The following BRAT1 variants were observed in gnomAD, a reference collection of about 807,000 sequenced individuals.
BRAT1 encodes integrator complex assembly factor BRAT1.
A neutral mutation model predicts 70.6 loss-of-function variants in BRAT1; 74 were observed. The ratio of observed to expected loss-of-function variants is 1.05; its 90% CI spans 0.87 to 1.27. BRAT1 has a LOEUF of 1.27. BRAT1 is among the 50% of genes most tolerant of loss of function. BRAT1 has a pLI of 0.00. For missense variants in BRAT1, 1,203 were observed against 1,098.2 expected (o/e 1.10, Z -1.35); for synonymous variants, 615 against 517.1 (o/e 1.19, Z -2.57).
intron 2 of BRAT1, among the ~76,000 whole-genome samples, chr7:2,551,261 C>CTATATATATATCTATATTTAGA (rs1779984215): frequency 6.8e-6 from 1 of 147,934 alleles, no homozygotes; most frequent in African/African-American, 2.5e-5. Context: ...AAATCTATAT[C>CTATATATATATCTATATTTAGA]TATATATATA....
rs2128383250 is a variant in BRAT1 at position 2,538,260 on chromosome 7, CACCCGCCCGCCACCTCGGCAG to C, written c.2254_2274del (p.Leu752_Gly758del). 6.2e-7 allele frequency: 1 copy of C among 1,610,854 alleles called. No homozygotes were observed. The highest frequency in any genetic ancestry group is 8.5e-7 in the Non-Finnish European group (1 of 1,179,088). ...TGGTCCCCTGGGGGCTGGGCCTGCTCACCCGCCCGCCACCTCGGCAGGGTGGCCTCTGCGGAGGCAGTGTTG... is the reference window on the plus strand; with the variant it reads ...TGGTCCCCTGGGGGCTGGGCCTGCTCGGTGGCCTCTGCGGAGGCAGTGTTG... On this transcript the variant is annotated inframe_deletion, in exon 14 of 14. Transcript: ENST00000340611.
chr7:2,547,376 A>C lies in BRAT1; in HGVS notation c.230T>G (p.Leu77Arg). 1 of 1,614,126 alleles carries C rather than the reference A, an allele frequency of 6.2e-7. No individual in the cohort carries two copies. The change falls in exon 3 of 14, where the codon CTG (leucine) becomes CGG (arginine). Residue 77 changes from leucine (L) to arginine (R), a missense_variant. Transcript: ENST00000340611. ...GGCTGCGAAGGTTCCTGCCAGGCGC[A>C]GTGAGAAGGAGAGGACCCCAGAACT... ...DLSSGVLSFS[L>R]RLAGTFAAQE...
rs779635361 is a variant in BRAT1 at position 2,541,360 on chromosome 7, G to A, written c.1259C>T (p.Ala420Val). 5.0e-6 allele frequency: 8 copies of A among 1,606,866 alleles called. No homozygotes were observed. Among genetic ancestry groups the A allele is most frequent in the African/African-American group, 1.3e-5 (1 of 74,906 alleles). Residue 420 changes from alanine (A) to valine (V), a missense_variant, in exon 9 of 14, where the codon GCG (alanine) becomes GTG (valine). Physicochemically the swap from Ala to Val is moderately conservative, Grantham distance 64. Coordinates refer to ENST00000340611, the MANE Select transcript of BRAT1 (RefSeq NM_152743.4). ...SVGGHLCGTL[A>V]GCVRVQRAAL... ...TGCTCGCTGGACCCGGACGCAGCCC[G>A]CCAGGGTCCCACAGAGGTGGCCCCC...
intron 1 of BRAT1, among the ~76,000 whole-genome samples, 189 bp downstream of exon 1, chr7:2,555,298 C>G (rs192239565): frequency 1.3e-5 from 2 of 152,130 alleles, no homozygotes; most frequent in African/African-American, 4.8e-5. Context: ...GTTTTGGCCG[C>G]GAGCGCCAGG....
Position 2,547,411 on chromosome 7 carries a change from G to A in BRAT1, c.195C>T (p.Val65=). The change falls in exon 3 of 14, where the codon GTC becomes GTT. Residue 65 remains valine (V), a synonymous_variant. Transcript: ENST00000340611. The part of the protein sequence containing the change: ...LVELLSHVLK[V]QDLSSGVLSF... Reference sequence around the variant, plus strand: ...AGAGGACCCCAGAACTCAGGTCCTGGACTTTCAGCACATGGGACAGCAGCT... The same window carrying A: ...AGAGGACCCCAGAACTCAGGTCCTGAACTTTCAGCACATGGGACAGCAGCT... The A allele has an allele frequency of 1.2e-6, 2 of 1,614,112 alleles. No individual in the cohort carries two copies. The highest frequency in any genetic ancestry group is 1.1e-5 in the South Asian group (1 of 91,082).
chr7:2,547,035 G>A (rs1779664888), intron 3 of BRAT1, among the ~76,000 whole-genome samples: 1 of 152,254 alleles, frequency 6.6e-6, no homozygotes, highest in East Asian at 1.9e-4. Context: ...GGAAGAGATG[G>A]AGGCTTGCGG....
In BRAT1 at chr7:2,538,671, C is replaced by T; in HGVS notation, c.1864G>A (p.Asp622Asn). The T allele has an allele frequency of 6.3e-7, 1 of 1,598,354 alleles. No homozygotes were observed. The highest frequency in any genetic ancestry group is 8.5e-7 in the Non-Finnish European group (1 of 1,179,760). The change falls in exon 14 of 14, where the codon GAC (aspartate) becomes AAC (asparagine). Residue 622 changes from aspartate to asparagine, a missense_variant. By Grantham distance (23) the Asp-to-Asn change is conservative. Coordinates refer to ENST00000340611, the MANE Select transcript of BRAT1 (RefSeq NM_152743.4). Reference protein sequence around the residue: ...VMQVFTEWLRDGHADAAQDTE... With the variant: ...VMQVFTEWLRNGHADAAQDTE... ...TCCTGGGCCGCGTCGGCGTGGCCGTCCCGCAGCCACTCAGTGAAGACTTGC... is the reference window on the plus strand; with the variant it reads ...TCCTGGGCCGCGTCGGCGTGGCCGTTCCGCAGCCACTCAGTGAAGACTTGC...
intron 1 of BRAT1, among the ~76,000 whole-genome samples, 165 bp downstream of exon 1, chr7:2,555,322 A>C (rs1395855950): frequency 6.6e-6 from 1 of 152,090 alleles, no homozygotes; most frequent in Non-Finnish European, 1.5e-5. Flanking sequence ...GAGAGTCCAG[A>C]AGGGGCGCCA....
Position 2,543,218 on chromosome 7 carries a change from C to T in BRAT1, c.909G>A (p.Leu303=), listed in dbSNP as rs61742752. The change falls in exon 6 of 14, where the codon CTG becomes CTA. Residue 303 remains leucine (L), a synonymous_variant. Coordinates refer to ENST00000340611, the MANE Select transcript of BRAT1 (RefSeq NM_152743.4). This position sits in a 1 kb window ranked among gnomAD's most constrained non-coding sequence, Gnocchi z 5.5. ...CCAGACCATACCAGTGCTCGAGCTTCAGGATCCCCAAAGCCAGGGGTCCCA... is the reference window on the plus strand; with the variant it reads ...CCAGACCATACCAGTGCTCGAGCTTTAGGATCCCCAAAGCCAGGGGTCCCA... ...THMGPLALGI[L]KLEHCPQALR... The T allele has an allele frequency of 8.7e-6, 14 of 1,607,032 alleles. No individual in the cohort carries two copies. In the African/African-American group the frequency reaches 1.7e-4, roughly 20 times the overall value.
Position 2,538,584 on chromosome 7 carries a change from G to A in BRAT1, c.1951C>T (p.Arg651Cys), listed in dbSNP as rs777235172. ...AASRDLDWEVRAQGLELALVF... is the reference protein window; with the variant it reads ...AASRDLDWEVCAQGLELALVF... ...AGGGCCAGCTCCAGGCCCTGGGCGCGGACCTCCCAGTCCAGGTCTCGGCTC... is the reference window on the plus strand; with the variant it reads ...AGGGCCAGCTCCAGGCCCTGGGCGCAGACCTCCCAGTCCAGGTCTCGGCTC... Residue 651 changes from arginine (R) to cysteine (C), a missense_variant, in exon 14 of 14, where the codon CGC becomes TGC. Arg to Cys is a radical substitution (Grantham distance 180, BLOSUM62 -3). Coordinates refer to ENST00000340611, the MANE Select transcript of BRAT1 (RefSeq NM_152743.4). 11 of 1,598,926 alleles carry A rather than the reference G, an allele frequency of 6.9e-6. No homozygotes were observed. Among genetic ancestry groups the A allele is most frequent in the South Asian group, 3.3e-5 (3 of 90,900 alleles).
intron 3 of BRAT1, among the ~76,000 whole-genome samples, chr7:2,545,289 G>A (rs1042979677): frequency 6.8e-6 from 1 of 147,172 alleles, no homozygotes; most frequent in Non-Finnish European, 1.5e-5. Context: ...GCTTGAACCC[G>A]GGAGGCGAAG....
At position 2,554,452 on chromosome 7, in the gene BRAT1, A is replaced by G; in HGVS notation, c.-16-5T>C. 6.2e-7 allele frequency: 1 copy of G among 1,609,642 alleles called. No homozygotes were observed. Among genetic ancestry groups the G allele is most frequent in the Non-Finnish European group, 8.5e-7 (1 of 1,178,704 alleles). On this transcript the variant is annotated splice_region_variant and splice_polypyrimidine_tract_variant and intron_variant, in intron 1 of 13. Transcript: ENST00000340611. ...TCCATGGTGAGGCCGCAGGCCCTGC[A>G]AAGGCAATGTGAGAGCCAAACCTCA...
intron 3 of BRAT1, among the ~76,000 whole-genome samples, chr7:2,545,512 A>G (rs1554296648): frequency 5.2e-5 from 3 of 57,180 alleles, no homozygotes; most frequent in African/African-American, 1.6e-4. Flanking sequence ...TTTTTTTTTG[A>G]GACAGTCCCA....
At chr7:2,544,814 G>C in intron 4 of BRAT1, 95 bp downstream of exon 4, 1 of 1,487,964 alleles carries the variant, frequency 6.7e-7, no homozygotes, top group South Asian at 1.3e-5. Flanking sequence ...CTGAGACATC[G>C]CACAGACCAG....
Position 2,539,350 on chromosome 7 carries a change from T to C in BRAT1, c.1599A>G (p.Gly533=), listed in dbSNP as rs1000866284. The C allele has an allele frequency of 2.5e-6, 4 of 1,601,850 alleles. No homozygotes were observed. Among genetic ancestry groups the C allele is most frequent in the Non-Finnish European group, 2.6e-6 (3 of 1,172,100 alleles). Residue 533 remains glycine (G), a splice_region_variant and synonymous_variant, in exon 13 of 14, where the codon GGA becomes GGG. Coordinates refer to ENST00000340611, the MANE Select transcript of BRAT1 (RefSeq NM_152743.4). Reference sequence around the variant, plus strand: ...AGAGTGCGCATCTGAAGTCAGCCTGTCCTGGGGGTCGAAACGGCCACATGC... The same window carrying C: ...AGAGTGCGCATCTGAAGTCAGCCTGCCCTGGGGGTCGAAACGGCCACATGC... ...FLTQLSRHWG[G]QADFRCALLA... is the part of the protein sequence containing the mutation.
chr7:2,545,271 G>A (rs1482718668), intron 3 of BRAT1, among the ~76,000 whole-genome samples: 1 of 148,020 alleles, frequency 6.8e-6, no homozygotes, highest in African/African-American at 2.5e-5. Context: ...GGCTGAGGCA[G>A]GAGAATTGCT....
chr7:2,540,833 C>T, intron 10 of BRAT1, 146 bp downstream of exon 10: 1 of 848,752 alleles, frequency 1.2e-6, no homozygotes, highest in Non-Finnish European at 1.7e-6. Context: ...CAGCCACCTG[C>T]ATCGTGAAGC....
chr7:2,552,335 C>T (rs1171622752), intron 2 of BRAT1, among the ~76,000 whole-genome samples: 1 of 150,814 alleles, frequency 6.6e-6, no homozygotes, highest in Non-Finnish European at 1.5e-5. Context: ...CCAGGCTGGT[C>T]TCCAACTCCT....
intron 2 of BRAT1, 114 bp downstream of exon 2, chr7:2,554,191 G>A (rs1283045603): frequency 1.4e-6 from 2 of 1,382,004 alleles, no homozygotes; most frequent in Non-Finnish European, 9.8e-7. Context: ...CATCTGATTG[G>A]CAGTTTCTGC....
Sources: allele counts gnomAD v4.1 joint callset (sites outside exome capture counted in the v4.1 genomes callset), GRCh38; gene constraint gnomAD v4.1.1; non-coding constraint Gnocchi (gnomAD v3.1); transcripts MANE v1.5; gene names NCBI Gene and HGNC (gene_info 2026-07-23, HGNC 2026-07-21).